The following NRG3 variants were observed in gnomAD, a reference collection of about 807,000 sequenced individuals.
NRG3 encodes pro-neuregulin-3, membrane-bound isoform.
Under a neutral mutation model 66.9 loss-of-function variants are expected in NRG3, and 31 were observed. The observed-to-expected ratio is 0.46, with a 90% CI of 0.35 to 0.63. The LOEUF is 0.63. Ranked by LOEUF, NRG3 falls within the 20% of genes least tolerant of loss-of-function variation. The pLI, the probability that NRG3 is intolerant of heterozygous loss-of-function variation, is 0.00. For synonymous variants in NRG3, 393 were observed against 359.4 expected (o/e 1.09, Z -1.06); for missense variants, 910 against 878.9 (o/e 1.04, Z -0.45).
chr10:82,956,342 T>C (rs1041776967), intron 5 of NRG3, among the ~76,000 whole-genome samples: 4 of 151,930 alleles, frequency 2.6e-5, no homozygotes, highest in Non-Finnish European at 5.9e-5. Context: ...ATGAGAGAGC[T>C]AATGGTATTG....
At chr10:81,906,887 A>G (rs1844651713) in intron 1 of NRG3, among the ~76,000 whole-genome samples, 1 of 152,162 alleles carries the variant, frequency 6.6e-6, no homozygotes, top group Admixed American at 6.5e-5. Context: ...TTTTGAAGAT[A>G]GTGTAGAGCA....
chr10:82,763,438 G>A (rs1018594612), intron 3 of NRG3, among the ~76,000 whole-genome samples: 1 of 151,962 alleles, frequency 6.6e-6, no homozygotes, highest in Non-Finnish European at 1.5e-5. Flanking sequence ...TATCAAAATA[G>A]CAATAGAATT....
At chr10:82,676,400 C>T (rs370378942) in intron 2 of NRG3, among the ~76,000 whole-genome samples, 9 of 152,066 alleles carry the variant, frequency 5.9e-5, no homozygotes, top group African/African-American at 1.9e-4. Context: ...ATCAGGGGAC[C>T]GCCCCCAGCC....
At chr10:81,901,902 T>A (rs1201575156) in intron 1 of NRG3, among the ~76,000 whole-genome samples, 1 of 152,146 alleles carries the variant, frequency 6.6e-6, no homozygotes, top group Non-Finnish European at 1.5e-5. Flanking sequence ...GTGGGCACAT[T>A]CTGGACCACT....
chr10:82,163,623 G>C (rs1388066004), intron 1 of NRG3, among the ~76,000 whole-genome samples: 2 of 152,158 alleles, frequency 1.3e-5, no homozygotes. Context: ...GCTGGCAAGA[G>C]AGTTCTGGTT....
At chr10:82,669,053 A>G (rs1054432967) in intron 2 of NRG3, among the ~76,000 whole-genome samples, 3 of 152,116 alleles carry the variant, frequency 2.0e-5, no homozygotes, top group African/African-American at 4.8e-5. Context: ...CATCACCACC[A>G]TCGTCACCTA....
At chr10:82,070,877 G>C (rs972111401) in intron 1 of NRG3, among the ~76,000 whole-genome samples, 8 of 152,148 alleles carry the variant, frequency 5.3e-5, no homozygotes, top group African/African-American at 1.9e-4. Context: ...TTATTGGCAA[G>C]TTGGCAATAT....
At chr10:82,747,629 C>A (rs1468664192) in intron 3 of NRG3, among the ~76,000 whole-genome samples, 3 of 151,732 alleles carry the variant, frequency 2.0e-5, no homozygotes, top group African/African-American at 4.8e-5. Context: ...TTCATTTGTA[C>A]CTTTATGAAT....
chr10:82,503,313 A>G (rs1355956709), intron 2 of NRG3, among the ~76,000 whole-genome samples: 2 of 152,228 alleles, frequency 1.3e-5, no homozygotes, highest in Admixed American at 6.5e-5. Flanking sequence ...TCAGACCCAC[A>G]TGGACTGAAT....
intron 2 of NRG3, among the ~76,000 whole-genome samples, chr10:82,526,713 G>T (rs1364726770): frequency 6.6e-6 from 1 of 151,816 alleles, no homozygotes; most frequent in Non-Finnish European, 1.5e-5. Flanking sequence ...CCTGGTAACA[G>T]TTTTAAGATA....
At chr10:82,969,138 C>T (rs1851495927) in intron 6 of NRG3, among the ~76,000 whole-genome samples, 1 of 152,166 alleles carries the variant, frequency 6.6e-6, no homozygotes, top group Admixed American at 6.5e-5. Context: ...CAAACCATAT[C>T]ACAGCTCTCT....
intron 2 of NRG3, among the ~76,000 whole-genome samples, chr10:82,473,419 A>C (rs1841459862): frequency 1.3e-5 from 2 of 152,236 alleles, no homozygotes; most frequent in Admixed American, 1.3e-4. Context: ...AAAAGAGTCA[A>C]CAGACTGGTG....
intron 6 of NRG3, among the ~76,000 whole-genome samples, chr10:82,968,024 A>G (rs1266881694): frequency 2.0e-5 from 3 of 152,206 alleles, no homozygotes; most frequent in Non-Finnish European, 4.4e-5. Flanking sequence ...CTCTGTATTC[A>G]CCTGTTTCTC....
chr10:82,546,425 C>T (rs1468275705), intron 2 of NRG3, among the ~76,000 whole-genome samples: 1 of 152,002 alleles, frequency 6.6e-6, no homozygotes, highest in East Asian at 1.9e-4. Flanking sequence ...GAGCTGGCAT[C>T]GTCATTAACA....
intron 3 of NRG3, among the ~76,000 whole-genome samples, chr10:82,785,876 A>G (rs976725247): frequency 1.3e-5 from 2 of 152,228 alleles, no homozygotes; most frequent in African/African-American, 4.8e-5. Context: ...AAAGAGATTT[A>G]TATGGCTAGA....
intron 2 of NRG3, among the ~76,000 whole-genome samples, chr10:82,366,337 A>G (rs2084521091): frequency 6.6e-6 from 1 of 152,218 alleles, no homozygotes; most frequent in Non-Finnish European, 1.5e-5. Context: ...TTGTACCAGT[A>G]TCATCTGCCT....
At chr10:82,013,556 C>CTT (rs1318228507) in intron 1 of NRG3, among the ~76,000 whole-genome samples, 3 of 151,948 alleles carry the variant, frequency 2.0e-5, no homozygotes, top group African/African-American at 7.3e-5. Context: ...AATTTGGAGA[C>CTT]TTTAAGTATT....
intron 1 of NRG3, among the ~76,000 whole-genome samples, chr10:81,891,551 A>T (rs750014682): frequency 3.9e-5 from 6 of 152,126 alleles, no homozygotes; most frequent in Non-Finnish European, 8.8e-5. Context: ...ATTTCCATGG[A>T]GACTGTGGAG....
intron 2 of NRG3, among the ~76,000 whole-genome samples, chr10:82,539,209 G>C (rs117606852): frequency 6.6e-6 from 1 of 152,174 alleles, no homozygotes; most frequent in East Asian, 1.9e-4. Flanking sequence ...AAACACTCCC[G>C]GTAATGAAGA....
Sources: allele counts gnomAD v4.1 joint callset (sites outside exome capture counted in the v4.1 genomes callset), GRCh38; gene constraint gnomAD v4.1.1; transcripts MANE v1.5; gene names NCBI Gene and HGNC (gene_info 2026-07-23, HGNC 2026-07-21).